The following PRDM6 variants were observed in gnomAD, a reference collection of about 807,000 sequenced individuals.
PRDM6 encodes PR/SET domain 6.
A neutral mutation model predicts 60.8 loss-of-function variants in PRDM6; 25 were observed. The ratio of observed to expected loss-of-function variants is 0.41; its 90% confidence interval spans 0.30 to 0.57. The LOEUF (loss-of-function observed/expected upper bound fraction) is 0.57. PRDM6 is among the 20% of genes least tolerant of loss of function. The pLI is 0.27. For synonymous variants in PRDM6, 407 were observed against 357.4 expected, an observed-to-expected ratio of 1.14 and a Z score of -1.57; for missense variants, 839 against 821.3, an observed-to-expected ratio of 1.02 and a Z score of -0.26.
At chr5:123,125,081 C>G (rs1358821884) in intron 3 of PRDM6, among the ~76,000 whole-genome samples, 1 of 132,446 alleles carries the variant, frequency 7.6e-6, no homozygotes, top group Admixed American at 7.9e-5. Flanking sequence ...TTTTTTGAAT[C>G]TTGTGTTGCG....
chr5:123,100,302 C>T (rs1764071222), intron 3 of PRDM6, among the ~76,000 whole-genome samples: 1 of 152,174 alleles, frequency 6.6e-6, no homozygotes, highest in South Asian at 2.1e-4. Context: ...AAAGAGAAAA[C>T]AGCTGAGGAG....
chr5:123,186,647 T>C (rs1335355487), intron 7 of PRDM6, among the ~76,000 whole-genome samples: 1 of 152,312 alleles, frequency 6.6e-6, no homozygotes, highest in East Asian at 1.9e-4. Flanking sequence ...AGATGTACAC[T>C]CTTTGGCTGC....
chr5:123,172,436 G>A lies in PRDM6; in HGVS notation c.1496+1328G>A, dbSNP rs570805093. The stretch of plus-strand genomic sequence containing the variant: ...TTTCAATAGGCGAGCCCCCTGGTGA[G>A]AGTATCAACAGACTTCTGCACATCT... On this transcript the variant is annotated intron_variant, in intron 6 of 7. Transcript: ENST00000407847. Among the ~76,000 whole-genome samples the A allele has an allele frequency of 2.6e-4, 40 of 152,256 alleles. No homozygotes were observed. The Middle Eastern group carries it at 0.017, about 65-fold the overall frequency.
intron 3 of PRDM6, among the ~76,000 whole-genome samples, chr5:123,148,410 G>C (rs1230340559): frequency 1.3e-5 from 2 of 152,020 alleles, no homozygotes; most frequent in Non-Finnish European, 2.9e-5. Flanking sequence ...TTCCTTATTA[G>C]AAACAACAAC....
intron 3 of PRDM6, among the ~76,000 whole-genome samples, chr5:123,136,975 C>G (rs1202369114): frequency 6.6e-6 from 1 of 152,220 alleles, no homozygotes; most frequent in Non-Finnish European, 1.5e-5. Flanking sequence ...AGCTACATCT[C>G]TTTCTAACTG....
intron 2 of PRDM6, among the ~76,000 whole-genome samples, chr5:123,098,176 C>T (rs1261658979): frequency 6.6e-6 from 1 of 152,248 alleles, no homozygotes; most frequent in African/African-American, 2.4e-5. Context: ...ATCCAACAGG[C>T]CTGGCTGCGG....
chr5:123,148,298 T>G (rs1309501120), intron 3 of PRDM6, among the ~76,000 whole-genome samples: 1 of 152,214 alleles, frequency 6.6e-6, no homozygotes, highest in Non-Finnish European at 1.5e-5. Context: ...ATTACTCACT[T>G]ATTTTATGGG....
At chr5:123,168,116 A>G (rs1039802401) in intron 5 of PRDM6, among the ~76,000 whole-genome samples, 2 of 152,256 alleles carry the variant, frequency 1.3e-5, no homozygotes, top group African/African-American at 4.8e-5. Context: ...TCTGTGTGCC[A>G]TAATATATTT....
intron 5 of PRDM6, among the ~76,000 whole-genome samples, chr5:123,167,048 G>T (rs1765768592): frequency 6.6e-6 from 1 of 152,104 alleles, no homozygotes; most frequent in Admixed American, 6.5e-5. Context: ...CTTGTGTTTA[G>T]TTTATACCTT....
intron 3 of PRDM6, among the ~76,000 whole-genome samples, chr5:123,132,350 A>G (rs1580504966): frequency 6.6e-6 from 1 of 152,138 alleles, no homozygotes; most frequent in Admixed American, 6.6e-5. Flanking sequence ...CAATTTTCAC[A>G]TAAGTAGGAT....
chr5:123,090,074 G>A lies in PRDM6; in HGVS notation c.60G>A (p.Leu20=). 2 of 1,548,006 alleles carry A rather than the reference G, an allele frequency of 1.3e-6. No homozygotes were observed. The highest frequency in any genetic ancestry group is 2.0e-5 in the Admixed American group (1 of 50,944). The change falls in exon 2 of 8, where the codon CTG becomes CTA. Residue 20 remains leucine, a synonymous_variant. Coordinates refer to ENST00000407847, the MANE Select transcript of PRDM6 (RefSeq NM_001136239.4). ...SAFLKVDPAY[L]QHWQQLFPHG... ...TCCTCAAAGTGGACCCAGCCTACCT[G>A]CAGCACTGGCAGCAACTCTTCCCTC...
In PRDM6 at chr5:123,093,792, G is replaced by A. The variant is rs571327995; in HGVS notation, c.592+3186G>A. On this transcript the variant is annotated intron_variant, in intron 2 of 7. Coordinates refer to ENST00000407847, the MANE Select transcript of PRDM6 (RefSeq NM_001136239.4). The stretch of plus-strand genomic sequence containing the variant: ...TGAAAAGTAGAGAGAGACAGTCACA[G>A]GGCGCGCCTGGCGTTTCTGAGTAGC... Among the ~76,000 whole-genome samples, 4 of 152,326 alleles carry A rather than the reference G, an allele frequency of 2.6e-5. No homozygotes were observed. The East Asian group carries it at 5.8e-4, about 22-fold the overall frequency.
intron 3 of PRDM6, among the ~76,000 whole-genome samples, chr5:123,100,236 C>G (rs1226001896): frequency 2.6e-5 from 4 of 152,204 alleles, no homozygotes; most frequent in African/African-American, 9.6e-5. Flanking sequence ...TCACCTTAAG[C>G]TGCCTCCATT....
intron 3 of PRDM6, among the ~76,000 whole-genome samples, chr5:123,111,723 TGC>T (rs1764320914): frequency 6.6e-6 from 1 of 151,258 alleles, no homozygotes; most frequent in African/African-American, 2.4e-5. Flanking sequence ...AAAAACAAAA[TGC>T]CAGTCTCGTC....
intron 3 of PRDM6, among the ~76,000 whole-genome samples, chr5:123,137,432 A>G (rs1171739380): frequency 1.3e-5 from 2 of 152,240 alleles, no homozygotes; most frequent in South Asian, 2.1e-4. Context: ...GCTAGGGCAG[A>G]GCCGGCCTTG....
At chr5:123,133,909 G>C (rs1387731757) in intron 3 of PRDM6, among the ~76,000 whole-genome samples, 1 of 151,782 alleles carries the variant, frequency 6.6e-6, no homozygotes, top group Non-Finnish European at 1.5e-5. Flanking sequence ...AACAAATAGT[G>C]AAGTTAAACA....
chr5:123,132,257 C>CA (rs1314082151), intron 3 of PRDM6, among the ~76,000 whole-genome samples: 1 of 152,058 alleles, frequency 6.6e-6, no homozygotes, highest in African/African-American at 2.4e-5. Flanking sequence ...CATGCATTAC[C>CA]ACGTGGGGTG....
intron 3 of PRDM6, among the ~76,000 whole-genome samples, chr5:123,125,149 CCT>C (rs759991893): frequency 0.2 from 1,237 of 6,108 alleles, 10 homozygotes; most frequent in African/African-American, 0.24. Flanking sequence ...TACCGCACCC[CCT>C]CCCCCCCACC....
At chr5:123,122,682 G>C (rs1035465201) in intron 3 of PRDM6, among the ~76,000 whole-genome samples, 1 of 152,104 alleles carries the variant, frequency 6.6e-6, no homozygotes, top group African/African-American at 2.4e-5. Flanking sequence ...AAGAGGTTAA[G>C]CAGTAAGAAG....
Sources: gnomAD v4.1 joint callset for allele counts (sites outside exome capture counted in the v4.1 genomes callset) on GRCh38, gnomAD v4.1.1 for gene constraint, MANE v1.5 for transcripts, NCBI Gene and HGNC (gene_info 2026-07-23, HGNC 2026-07-21) for gene names.